TMEM132B: variants seen among roughly 807,000 people sequenced by gnomAD.
TMEM132B encodes transmembrane protein 132B.
A neutral mutation model predicts 90.8 loss-of-function variants in TMEM132B; 18 were observed. The ratio of observed to expected loss-of-function variants is 0.20; its 90% CI spans 0.14 to 0.29. The LOEUF (loss-of-function observed/expected upper bound fraction) is 0.29. Ranked by LOEUF, TMEM132B falls within the 10% of genes least tolerant of loss-of-function variation. The pLI is 1.00. For synonymous variants in TMEM132B, 504 were observed against 523.3 expected (o/e 0.96, Z 0.50); for missense variants, 1,096 against 1,326.8 (o/e 0.83, Z 2.70).
chr12:125,503,113 C>T (rs753159864), intron 3 of TMEM132B, among the ~76,000 whole-genome samples: 6 of 152,186 alleles, frequency 3.9e-5, no homozygotes, highest in African/African-American at 7.2e-5. Flanking sequence ...TGCCTTAAGA[C>T]GGAGAAGAGT....
At chr12:125,603,372 T>A (rs770529550) in intron 5 of TMEM132B, among the ~76,000 whole-genome samples, 7 of 152,122 alleles carry the variant, frequency 4.6e-5, no homozygotes, top group Non-Finnish European at 7.4e-5. Flanking sequence ...ATTTAATAAA[T>A]GGTGCTGTGA....
At chr12:125,534,723 T>C (rs1566066147) in intron 4 of TMEM132B, among the ~76,000 whole-genome samples, 1 of 151,392 alleles carries the variant, frequency 6.6e-6, no homozygotes, top group Non-Finnish European at 1.5e-5. Flanking sequence ...TTATTATTAC[T>C]ATTACTACCA....
intron 1 of TMEM132B, among the ~76,000 whole-genome samples, chr12:125,254,518 A>G (rs1330750002): frequency 6.6e-6 from 1 of 152,082 alleles, no homozygotes; most frequent in Non-Finnish European, 1.5e-5. Context: ...AGAGAGCCAC[A>G]GCTTTGCCTG....
intron 1 of TMEM132B, among the ~76,000 whole-genome samples, chr12:125,218,786 T>TTTA (rs1555232386): frequency 6.6e-6 from 1 of 150,838 alleles, no homozygotes; most frequent in Non-Finnish European, 1.5e-5. Context: ...TTTTTTTTTT[T>TTTA]TTTTATTGGA....
chr12:125,545,358 A>G (rs1171567572), intron 4 of TMEM132B, among the ~76,000 whole-genome samples: 1 of 152,232 alleles, frequency 6.6e-6, no homozygotes, highest in East Asian at 1.9e-4. Flanking sequence ...TAGATCATTT[A>G]GGATACATCC....
In TMEM132B at chr12:125,660,486, T is replaced by C. The variant is rs912150627; in HGVS notation, c.*5776T>C. Reference sequence around the variant, plus strand: ...TCCTTAATGCCTGTTAGTTTCTTTATGGTTTTATACAATTGAGATAGGTTC... The same window carrying C: ...TCCTTAATGCCTGTTAGTTTCTTTACGGTTTTATACAATTGAGATAGGTTC... On this transcript the variant is annotated 3_prime_UTR_variant, in exon 9 of 9. Coordinates refer to ENST00000682704, the MANE Select transcript of TMEM132B (RefSeq NM_001366854.1). 1 of 152,182 alleles carries C rather than the reference T, an allele frequency of 6.6e-6. No homozygotes were observed. Among genetic ancestry groups the C allele is most frequent in the Non-Finnish European group, 1.5e-5 (1 of 68,032 alleles). 9.4% of individuals were successfully genotyped at this position (152,182 alleles called of 1,614,324 possible).
At chr12:125,554,025 A>G (rs547812217) in intron 4 of TMEM132B, among the ~76,000 whole-genome samples, 3 of 152,252 alleles carry the variant, frequency 2.0e-5, no homozygotes, top group Non-Finnish European at 4.4e-5. Context: ...ATAAATGTAC[A>G]GGGAAATGAA....
intron 1 of TMEM132B, among the ~76,000 whole-genome samples, chr12:125,332,583 CTTTTT>C (rs201828438): frequency 5.7e-5 from 3 of 52,414 alleles, no homozygotes; most frequent in African/African-American, 1.9e-4. Flanking sequence ...AGAGAGTTGG[CTTTTT>C]TTTTTTTTTT....
intron 2 of TMEM132B, among the ~76,000 whole-genome samples, chr12:125,375,544 G>T (rs932560832): frequency 6.6e-6 from 1 of 152,212 alleles, no homozygotes; most frequent in African/African-American, 2.4e-5. Context: ...GTTACATCAG[G>T]ATTCAGATAT....
At chr12:125,637,594 G>A (rs1367644230) in intron 5 of TMEM132B, among the ~76,000 whole-genome samples, 3 of 152,152 alleles carry the variant, frequency 2.0e-5, no homozygotes, top group Non-Finnish European at 4.4e-5. Flanking sequence ...AACTTGAAGC[G>A]GGTAGGGGAC....
intron 2 of TMEM132B, among the ~76,000 whole-genome samples, chr12:125,351,511 C>T (rs888825298): frequency 6.6e-6 from 1 of 152,042 alleles, no homozygotes; most frequent in Non-Finnish European, 1.5e-5. Flanking sequence ...AGCCAAGAGA[C>T]TGAGACAACA....
intron 1 of TMEM132B, chr12:125,326,678 C>T (rs774982959): frequency 1.2e-5 from 20 of 1,605,386 alleles, no homozygotes; most frequent in African/African-American, 4.0e-5. Context: ...CGGGGGAGGT[C>T]GGAAGGAAGG....
chr12:125,559,986 G>A (rs1884479568), intron 4 of TMEM132B, among the ~76,000 whole-genome samples: 1 of 152,204 alleles, frequency 6.6e-6, no homozygotes, highest in Non-Finnish European at 1.5e-5. Context: ...TTCGAATCCA[G>A]CGCTGCCAGC....
chr12:125,608,423 C>CT (rs1161176037), intron 5 of TMEM132B, among the ~76,000 whole-genome samples: 4 of 152,034 alleles, frequency 2.6e-5, no homozygotes, highest in African/African-American at 9.7e-5. Context: ...ATTGAATTAT[C>CT]TTTTCATTTC....
chr12:125,335,726 C>G (rs1319488662), intron 1 of TMEM132B, among the ~76,000 whole-genome samples: 1 of 152,194 alleles, frequency 6.6e-6, no homozygotes, highest in African/African-American at 2.4e-5. Flanking sequence ...GTGGCTCATG[C>G]CTGTAATCCC....
chr12:125,561,402 A>C (rs1041735659), intron 4 of TMEM132B, among the ~76,000 whole-genome samples: 5 of 152,200 alleles, frequency 3.3e-5, no homozygotes, highest in African/African-American at 1.2e-4. Flanking sequence ...GGATAGCATT[A>C]GGATAAATAC....
At chr12:125,605,110 TG>T (rs763917563) in intron 5 of TMEM132B, among the ~76,000 whole-genome samples, 2 of 152,236 alleles carry the variant, frequency 1.3e-5, no homozygotes, top group Non-Finnish European at 2.9e-5. Context: ...TCATCACTAA[TG>T]AGAAAGCAGC....
At chr12:125,397,608 T>C (rs961363193) in intron 2 of TMEM132B, among the ~76,000 whole-genome samples, 19 of 152,208 alleles carry the variant, frequency 1.2e-4, no homozygotes, top group Admixed American at 1.2e-3. Flanking sequence ...TATATTTGTG[T>C]ATTTAATGAT....
At chr12:125,375,249 T>A (rs1163746811) in intron 2 of TMEM132B, among the ~76,000 whole-genome samples, 2 of 152,206 alleles carry the variant, frequency 1.3e-5, no homozygotes, top group Non-Finnish European at 2.9e-5. Flanking sequence ...TAACCTGTGA[T>A]CAAGGTGGAT....
Sources: allele counts gnomAD v4.1 joint callset (sites outside exome capture counted in the v4.1 genomes callset), GRCh38; gene constraint gnomAD v4.1.1; transcripts MANE v1.5; gene names NCBI Gene and HGNC (gene_info 2026-07-23, HGNC 2026-07-21).